Variants in USP46 observed in about 807,000 individuals in gnomAD.
The protein encoded by USP46 is ubiquitin specific peptidase 46.
USP46 carries 12 observed loss-of-function variants against 44.4 expected under a neutral mutation model. The observed-to-expected ratio is 0.27, with a 90% CI of 0.17 to 0.44. The LOEUF (loss-of-function observed/expected upper bound fraction) is 0.44, where lower values mean the gene tolerates loss of function less well. USP46 is among the 20% of genes least tolerant of loss of function. USP46 has a pLI of 1.00. For missense variants in USP46, 248 were observed against 444.8 expected (o/e 0.56, Z 3.98); for synonymous variants, 155 against 161.5 (o/e 0.96, Z 0.31).
intron 4 of USP46, among the ~76,000 whole-genome samples, chr4:52,620,965 A>G (rs750282246): frequency 6.6e-6 from 1 of 152,268 alleles, no homozygotes; most frequent in African/African-American, 2.4e-5. Context: ...AGCATCATGC[A>G]ACAACACAAA....
Position 52,595,294 on chromosome 4 carries a change from G to C in USP46, c.*2346C>G, listed in dbSNP as rs752590238. On this transcript the variant is annotated 3_prime_UTR_variant, in exon 9 of 9. Transcript: ENST00000441222. ...TCTTTACATAAAGAGACATGATTGG[G>C]AGAAACCTGCAGCTGCCCAGTGTTT... The C allele has an allele frequency of 9.8e-5, 15 of 152,612 alleles. No individual in the cohort carries two copies. The highest frequency in any genetic ancestry group is 8.5e-4 in the Admixed American group (13 of 15,274). The allele number at this position is 152,612 out of a possible 1,614,324, so 9.5% of individuals were successfully genotyped here.
intron 4 of USP46, among the ~76,000 whole-genome samples, chr4:52,617,471 C>T (rs1328017970): frequency 6.6e-6 from 1 of 152,190 alleles, no homozygotes; most frequent in Non-Finnish European, 1.5e-5. Context: ...AATTCATTAA[C>T]TGAAAAAAGT....
chr4:52,632,980 GAAAGAAAAGA>G (rs1553891289), intron 1 of USP46, among the ~76,000 whole-genome samples: 17 of 71,460 alleles, frequency 2.4e-4, no homozygotes, highest in South Asian at 9.9e-4. Flanking sequence ...AAGAAAGAAA[GAAAGAAAAGA>G]AAAGAAAGAA....
chr4:52,616,658 C>A (rs571545789), intron 4 of USP46, among the ~76,000 whole-genome samples: 1 of 152,182 alleles, frequency 6.6e-6, no homozygotes, highest in Non-Finnish European at 1.5e-5. Flanking sequence ...TAGGCATGAG[C>A]CACCGTGCCT....
intron 4 of USP46, among the ~76,000 whole-genome samples, chr4:52,616,365 T>A (rs1400187088): frequency 6.6e-6 from 1 of 152,032 alleles, no homozygotes; most frequent in Non-Finnish European, 1.5e-5. Context: ...CCCTTTTCCT[T>A]CCTTCCTTCC....
intron 2 of USP46, 151 bp downstream of exon 2, chr4:52,630,913 T>A: frequency 1.5e-6 from 1 of 647,584 alleles, no homozygotes; most frequent in African/African-American, 1.9e-5. Flanking sequence ...CAAAAATAGG[T>A]TAAGTTGCTT....
chr4:52,634,834 C>T (rs1026710784), intron 1 of USP46, among the ~76,000 whole-genome samples: 1 of 152,234 alleles, frequency 6.6e-6, no homozygotes, highest in East Asian at 1.9e-4. Flanking sequence ...TACTACAACT[C>T]TTGGTATCAT....
In USP46 at chr4:52,612,648, A is replaced by T. The variant is rs1349104172; in HGVS notation, c.562-2031T>A. Among the ~76,000 whole-genome samples, 5 of 152,226 alleles carry T rather than the reference A, an allele frequency of 3.3e-5. No individual in the cohort carries two copies. In the East Asian group the frequency reaches 9.6e-4, roughly 29 times the overall value. On this transcript the variant is annotated intron_variant, in intron 4 of 8. Transcript: ENST00000441222. ...TTCATGGAGGAAAGCTGTCCTAACC[A>T]AGGCATTCCAGCCAAGCCCAATCTA...
chr4:52,644,565 G>T (rs1718467265), intron 1 of USP46, among the ~76,000 whole-genome samples: 1 of 151,974 alleles, frequency 6.6e-6, no homozygotes, highest in Non-Finnish European at 1.5e-5. Context: ...GCGCATCAGA[G>T]GGATCTAGGT....
At chr4:52,598,222 A>G (rs1180963290) in intron 8 of USP46, among the ~76,000 whole-genome samples, 1 of 152,246 alleles carries the variant, frequency 6.6e-6, no homozygotes, top group East Asian at 1.9e-4. Flanking sequence ...TCCAGATCCA[A>G]CAGACTGAAT....
At chr4:52,633,024 AAG>A (rs1356260090) in intron 1 of USP46, among the ~76,000 whole-genome samples, 3 of 149,804 alleles carry the variant, frequency 2.0e-5, no homozygotes, top group Admixed American at 6.6e-5. Flanking sequence ...GAAAGAAAGA[AAG>A]AAAAAGAAAG....
chr4:52,607,275 T>C (rs908846331), intron 5 of USP46, among the ~76,000 whole-genome samples: 15 of 151,852 alleles, frequency 9.9e-5, no homozygotes, highest in African/African-American at 3.1e-4. Context: ...AATTAGAAAA[T>C]GAAGGTAAGT....
chr4:52,603,149 C>T (rs1716543474), intron 6 of USP46, among the ~76,000 whole-genome samples: 2 of 152,152 alleles, frequency 1.3e-5, no homozygotes, highest in Admixed American at 6.6e-5. Context: ...ATGGGGAACC[C>T]CATGTTTTAT....
chr4:52,631,895 A>G (rs575361028), intron 1 of USP46, among the ~76,000 whole-genome samples: 2 of 152,172 alleles, frequency 1.3e-5, no homozygotes, highest in African/African-American at 4.8e-5. Context: ...AATCCCAGCT[A>G]CTCGGGAGGC....
At chr4:52,624,388 T>C (rs1717497644) in intron 4 of USP46, among the ~76,000 whole-genome samples, 1 of 152,184 alleles carries the variant, frequency 6.6e-6, no homozygotes, top group Non-Finnish European at 1.5e-5. Context: ...CAAGTGGTTA[T>C]CTCTGGGCTA....
At chr4:52,621,765 C>T (rs1415733947) in intron 4 of USP46, among the ~76,000 whole-genome samples, 3 of 152,162 alleles carry the variant, frequency 2.0e-5, no homozygotes, top group African/African-American at 7.2e-5. Context: ...CTATGGCCAG[C>T]AATTCTGCTC....
At chr4:52,619,598 GTCT>G (rs1300693441) in intron 4 of USP46, among the ~76,000 whole-genome samples, 1 of 152,196 alleles carries the variant, frequency 6.6e-6, no homozygotes, top group Admixed American at 6.5e-5. Flanking sequence ...TTCCCATTTG[GTCT>G]TCTTGCACAC....
In USP46 at chr4:52,636,179, T is replaced by A. The variant is rs540605615; in HGVS notation, c.37-5035A>T. ...AAGTGAGAGACAGAAGCAGAAGAGA[T>A]CAGAGTGAGGCAATGTGTGAGGTCT... On this transcript the variant is annotated intron_variant, in intron 1 of 8. Transcript: ENST00000441222. Among the ~76,000 whole-genome samples the A allele has an allele frequency of 2.6e-4, 40 of 152,056 alleles. No individual in the cohort carries two copies. In the South Asian group the frequency reaches 7.1e-3, roughly 27 times the overall value.
chr4:52,622,620 T>A (rs529131991), intron 4 of USP46, among the ~76,000 whole-genome samples: 51 of 152,300 alleles, frequency 3.3e-4, no homozygotes, highest in African/African-American at 1.2e-3. Context: ...GTAAGAAAGA[T>A]AGATGCTGCA....
Sources: allele counts gnomAD v4.1 joint callset (sites outside exome capture counted in the v4.1 genomes callset), GRCh38; gene constraint gnomAD v4.1.1; transcripts MANE v1.5; gene names NCBI Gene and HGNC (gene_info 2026-07-23, HGNC 2026-07-21).